Variants in CLEC19A observed in about 807,000 individuals in gnomAD.
The protein encoded by CLEC19A is C-type lectin domain family 19 member A.
Under a neutral mutation model 26.1 loss-of-function variants are expected in CLEC19A, and 21 were observed. That is an observed-to-expected ratio of 0.80 (90% CI 0.57 to 1.16). The LOEUF (loss-of-function observed/expected upper bound fraction) is 1.16. Ranked by LOEUF, CLEC19A falls within the 50% of genes most tolerant of loss-of-function variation. CLEC19A has a pLI of 0.00. For synonymous variants in CLEC19A, 89 were observed against 88.6 expected, an observed-to-expected ratio of 1.00 and a Z score of -0.03; for missense variants, 224 against 227.6, an observed-to-expected ratio of 0.98 and a Z score of 0.10.
chr16:19,286,869 G>C (rs888248691), intron 1 of CLEC19A, among the ~76,000 whole-genome samples: 5 of 152,138 alleles, frequency 3.3e-5, no homozygotes, highest in Non-Finnish European at 7.3e-5. Flanking sequence ...ACTTTAAACA[G>C]AGGGTTGATA....
At chr16:19,298,888 A>G (rs977200276) in intron 2 of CLEC19A, 50 bp downstream of exon 2, 3 of 1,482,100 alleles carry the variant, frequency 2.0e-6, no homozygotes, top group Non-Finnish European at 2.7e-6. Flanking sequence ...CCCCCTTGGG[A>G]AATGGGGTGG....
In CLEC19A at chr16:19,309,032, C is replaced by T; in HGVS notation, c.510C>T (p.Cys170=). 6.5e-7 allele frequency: 1 copy of T among 1,548,358 alleles called. No individual in the cohort carries two copies. The highest frequency in any genetic ancestry group is 1.2e-5 in the South Asian group (1 of 83,964). The stretch of plus-strand genomic sequence containing the variant: ...TGAGGTCATGGAATGATAACACCTG[C>T]AGCCGGAAGTTCCCCTTTGTCTGCA... ...SALRSWNDNT[C]SRKFPFVCKI... Residue 170 remains cysteine (C), a synonymous_variant, in exon 5 of 5, where the codon TGC becomes TGT. Transcript: ENST00000636231.
In CLEC19A at chr16:19,296,641, C is replaced by T. The variant is rs796858216; in HGVS notation, c.89-2032C>T. ...AGCCTAGGTTCAAATCCTTACTATG[C>T]CACTTACCTACAGGATGATCTTGGG... is the stretch of plus-strand genomic sequence containing the variant. On this transcript the variant is annotated intron_variant, in intron 1 of 4. Coordinates refer to ENST00000636231, the MANE Select transcript of CLEC19A (RefSeq NM_001256720.2). Among the ~76,000 whole-genome samples the T allele has an allele frequency of 2.0e-5, 3 of 152,288 alleles. No individual in the cohort carries two copies. In the South Asian group the frequency reaches 6.2e-4, roughly 32 times the overall value.
At chr16:19,292,769 A>G (rs1897616688) in intron 1 of CLEC19A, among the ~76,000 whole-genome samples, 1 of 152,238 alleles carries the variant, frequency 6.6e-6, no homozygotes, top group African/African-American at 2.4e-5. Context: ...GGTCAAGGGA[A>G]TTATCTGCAA....
In CLEC19A at chr16:19,307,597, A is replaced by G. The variant is rs896488026; in HGVS notation, c.401A>G (p.Asp134Gly). ...DGSSYDYSYWDGSQPDDGVHA... is the reference protein window; with the variant it reads ...DGSSYDYSYWGGSQPDDGVHA... ...TCATCCTATGACTACAGCTACTGGGATGGCAGCCAGCCAGATGATGGCGTC... is the reference window on the plus strand; with the variant it reads ...TCATCCTATGACTACAGCTACTGGGGTGGCAGCCAGCCAGATGATGGCGTC... Residue 134 changes from aspartate to glycine, a missense_variant, in exon 4 of 5, where the codon GAT (aspartate) becomes GGT (glycine). Coordinates refer to ENST00000636231, the MANE Select transcript of CLEC19A (RefSeq NM_001256720.2). 21 of 1,548,218 alleles carry G rather than the reference A, an allele frequency of 1.4e-5. No individual in the cohort carries two copies. Among genetic ancestry groups the G allele is most frequent in the Non-Finnish European group, 1.7e-5 (20 of 1,146,816 alleles).
intron 2 of CLEC19A, among the ~76,000 whole-genome samples, chr16:19,300,311 G>A (rs889515951): frequency 3.3e-5 from 5 of 152,068 alleles, no homozygotes; most frequent in Admixed American, 2.6e-4. Flanking sequence ...CCCTATGGGA[G>A]GCTAAGATGG....
In CLEC19A at chr16:19,303,868, A is replaced by G. The variant is rs80189935; in HGVS notation, c.255-194A>G. On this transcript the variant is annotated intron_variant, in intron 2 of 4. Transcript: ENST00000636231. Reference sequence around the variant, plus strand: ...GTACTGAGTCCTTCTTTGAACTGGCATAGGTCAAATCCAGAGATGCCCATG... The same window carrying G: ...GTACTGAGTCCTTCTTTGAACTGGCGTAGGTCAAATCCAGAGATGCCCATG... 49 of 546,070 alleles carry G rather than the reference A, an allele frequency of 9.0e-5. No homozygotes were observed. The East Asian group carries it at 1.5e-3, about 16-fold the overall frequency. The allele number at this position is 546,070 out of a possible 1,614,324, so 33.8% of individuals were successfully genotyped here.
chr16:19,295,137 G>A (rs1476938604), intron 1 of CLEC19A, among the ~76,000 whole-genome samples: 2 of 152,240 alleles, frequency 1.3e-5, no homozygotes, highest in South Asian at 2.1e-4. Context: ...CTGCTTGAGA[G>A]TGATCAACCA....
chr16:19,288,551 C>A (rs890579758), intron 1 of CLEC19A, among the ~76,000 whole-genome samples: 2 of 151,996 alleles, frequency 1.3e-5, no homozygotes, highest in Non-Finnish European at 2.9e-5. Flanking sequence ...TCAGCCACCC[C>A]CTATGTTTTG....
At chr16:19,294,872 C>T (rs1420707529) in intron 1 of CLEC19A, among the ~76,000 whole-genome samples, 1 of 152,140 alleles carries the variant, frequency 6.6e-6, no homozygotes, top group Non-Finnish European at 1.5e-5. Flanking sequence ...TGTTGCTGTG[C>T]TGTGGGGTTA....
At chr16:19,302,936 C>T (rs985210634) in intron 2 of CLEC19A, among the ~76,000 whole-genome samples, 2 of 152,136 alleles carry the variant, frequency 1.3e-5, no homozygotes, top group Admixed American at 1.3e-4. Flanking sequence ...AAAATATTTC[C>T]AAGATGTCCC....
At chr16:19,293,425 C>T (rs1167854680) in intron 1 of CLEC19A, among the ~76,000 whole-genome samples, 1 of 151,806 alleles carries the variant, frequency 6.6e-6, no homozygotes, top group Non-Finnish European at 1.5e-5. Flanking sequence ...CAGGAACTCT[C>T]TCCACACACT....
intron 2 of CLEC19A, among the ~76,000 whole-genome samples, chr16:19,301,407 G>T (rs575436891): frequency 6.6e-6 from 1 of 152,314 alleles, no homozygotes; most frequent in East Asian, 1.9e-4. Context: ...GAAGAAAACT[G>T]TGGGGGACAG....
Position 19,309,335 on chromosome 16 carries a change from T to A in CLEC19A, c.*252T>A. ...ACCCAAGTAACAAAAATCCAGGGGTTGTTCTGATTCAGAGTTGAATCTCAC... is the reference window on the plus strand; with the variant it reads ...ACCCAAGTAACAAAAATCCAGGGGTAGTTCTGATTCAGAGTTGAATCTCAC... On this transcript the variant is annotated 3_prime_UTR_variant, in exon 5 of 5. Coordinates refer to ENST00000636231, the MANE Select transcript of CLEC19A (RefSeq NM_001256720.2). 2.6e-6 allele frequency: 1 copy of A among 390,334 alleles called. No homozygotes were observed. The highest frequency in any genetic ancestry group is 2.7e-5 in the South Asian group (1 of 37,576). The allele number at this position is 390,334 out of a possible 1,614,324, so 24.2% of individuals were successfully genotyped here.
intron 1 of CLEC19A, among the ~76,000 whole-genome samples, chr16:19,289,777 C>A (rs948905221): frequency 6.6e-6 from 1 of 152,218 alleles, no homozygotes; most frequent in Admixed American, 6.5e-5. Flanking sequence ...ATAGGAGAGA[C>A]CTGGTGCCAC....
intron 1 of CLEC19A, among the ~76,000 whole-genome samples, chr16:19,289,057 A>G (rs536734311): frequency 6.6e-6 from 1 of 152,148 alleles, no homozygotes; most frequent in African/African-American, 2.4e-5. Flanking sequence ...GATCATGCCC[A>G]TTGTACAGAT....
chr16:19,304,200 G>A, intron 3 of CLEC19A, 45 bp downstream of exon 3: 20 of 1,486,266 alleles, frequency 1.3e-5, no homozygotes, highest in Non-Finnish European at 1.8e-5. Flanking sequence ...GCTCCAGCCA[G>A]GATTCTATTT....
intron 1 of CLEC19A, among the ~76,000 whole-genome samples, chr16:19,293,005 G>A (rs1017118482): frequency 6.6e-6 from 1 of 152,182 alleles, no homozygotes; most frequent in African/African-American, 2.4e-5. Flanking sequence ...AAGGTGTTGA[G>A]AAGGTCTTCA....
intron 2 of CLEC19A, among the ~76,000 whole-genome samples, chr16:19,300,712 C>T (rs530489403): frequency 7.9e-5 from 12 of 152,136 alleles, no homozygotes; most frequent in East Asian, 1.9e-4. Context: ...AAACAAGAAC[C>T]ACTACAGGTG....
Sources: allele counts gnomAD v4.1 joint callset (sites outside exome capture counted in the v4.1 genomes callset), GRCh38; gene constraint gnomAD v4.1.1; transcripts MANE v1.5; gene names NCBI Gene and HGNC (gene_info 2026-07-23, HGNC 2026-07-21).